The following GBP6 variants were observed in gnomAD, a reference collection of about 807,000 sequenced individuals.
The protein encoded by GBP6 is guanylate binding protein family member 6.
GBP6 carries 54 observed loss-of-function variants against 61.5 expected under a neutral mutation model. The observed-to-expected ratio is 0.88, with a 90% CI of 0.71 to 1.10. The LOEUF (loss-of-function observed/expected upper bound fraction) is 1.10. GBP6 is among the 50% of genes least tolerant of loss of function. The pLI, the probability that GBP6 is intolerant of heterozygous loss-of-function variation, is 0.00. For synonymous variants in GBP6, 255 were observed against 273.7 expected (o/e 0.93, Z 0.67); for missense variants, 748 against 752.8 (o/e 0.99, Z 0.07).
intron 6 of GBP6, among the ~76,000 whole-genome samples, chr1:89,380,885 C>T (rs577605792): frequency 5.9e-5 from 9 of 152,226 alleles, no homozygotes; most frequent in African/African-American, 2.2e-4. Flanking sequence ...AAATAACTAA[C>T]TGAATATAAA....
At chr1:89,383,840 G>A in intron 9 of GBP6, 86 bp downstream of exon 9, 1 of 1,072,972 alleles carries the variant, frequency 9.3e-7, no homozygotes, top group Non-Finnish European at 1.4e-6. Flanking sequence ...TTCCCAAAAT[G>A]AGGAATTTCC....
chr1:89,371,297 C>T (rs895954321), intron 3 of GBP6, among the ~76,000 whole-genome samples: 2 of 152,178 alleles, frequency 1.3e-5, no homozygotes, highest in Non-Finnish European at 2.9e-5. Flanking sequence ...GGAATCCTCC[C>T]TAACTCATTT....
intron 3 of GBP6, among the ~76,000 whole-genome samples, chr1:89,371,586 A>C (rs1266669026): frequency 6.6e-6 from 1 of 152,254 alleles, no homozygotes; most frequent in Non-Finnish European, 1.5e-5. Flanking sequence ...CAATAGATGC[A>C]GAAAAGGCCT....
At chr1:89,385,206 C>A in intron 10 of GBP6, 24 bp from the exon 11 acceptor site, 1 of 1,584,422 alleles carries the variant, frequency 6.3e-7, no homozygotes, top group Non-Finnish European at 8.6e-7. Flanking sequence ...TAAAAATTTA[C>A]TTTCCTTCCT....
At chr1:89,366,772 C>T (rs557534929) in intron 1 of GBP6, among the ~76,000 whole-genome samples, 27 of 152,250 alleles carry the variant, frequency 1.8e-4, no homozygotes, top group African/African-American at 6.5e-4. Flanking sequence ...CAGCTATCTC[C>T]AGAACTTCAT....
intron 3 of GBP6, among the ~76,000 whole-genome samples, chr1:89,374,029 T>G (rs72967254): frequency 0.027 from 4,140 of 152,106 alleles, 203 homozygotes; most frequent in African/African-American, 0.095. Context: ...GCTGATCATT[T>G]TATAAGGGGA....
chr1:89,372,220 G>A lies in GBP6; in HGVS notation c.318+2547G>A, dbSNP rs1217960406. The stretch of plus-strand genomic sequence containing the variant: ...CTCATGGATAGGAAGAATCAATATT[G>A]TGGAAATGGCCATACGGCCCAAGGT... On this transcript the variant is annotated intron_variant, in intron 3 of 10. Transcript: ENST00000370456. 2.6e-5 allele frequency among the ~76,000 whole-genome samples: 4 copies of A among 152,208 alleles called. No individual in the cohort carries two copies. The East Asian group carries it at 5.8e-4, about 22-fold the overall frequency.
intron 6 of GBP6, 54 bp from the exon 7 acceptor site, chr1:89,381,640 A>C: frequency 6.5e-7 from 1 of 1,541,138 alleles, no homozygotes; most frequent in Non-Finnish European, 8.8e-7. Context: ...GTAGCCTAGG[A>C]TCCCACTGAG....
intron 3 of GBP6, among the ~76,000 whole-genome samples, chr1:89,372,149 G>T (rs1217957827): frequency 1.3e-5 from 2 of 152,100 alleles, no homozygotes; most frequent in African/African-American, 4.8e-5. Flanking sequence ...AAACCACTGT[G>T]CAATGAAATA....
At position 89,384,415 on chromosome 1, in the gene GBP6, G is replaced by T. The variant is rs577323431; in HGVS notation, c.1662+129G>T. 12 of 663,360 alleles carry T rather than the reference G, an allele frequency of 1.8e-5. No homozygotes were observed. In the Admixed American group the frequency reaches 3.6e-4, roughly 20 times the overall value. The allele number at this position is 663,360 out of a possible 1,614,324, so 41.1% of individuals were successfully genotyped here. Reference sequence around the variant, plus strand: ...ATTTGCTGCTTGGCAATCACTAAAAGCCCTGAATCCTTTTTTTCTTAATTG... The same window carrying T: ...ATTTGCTGCTTGGCAATCACTAAAATCCCTGAATCCTTTTTTTCTTAATTG... On this transcript the variant is annotated intron_variant, in intron 10 of 10. Coordinates refer to ENST00000370456, the MANE Select transcript of GBP6 (RefSeq NM_198460.3).
rs1026078821 is a variant in GBP6 at position 89,387,841 on chromosome 1, G to A, written c.*2372G>A. On this transcript the variant is annotated 3_prime_UTR_variant, in exon 11 of 11. Transcript: ENST00000370456. ...CCAGCTACACAGGAGGATGAGGCAGGAAAATCACTTGAACCTGGGAGGTGG... is the reference window on the plus strand; with the variant it reads ...CCAGCTACACAGGAGGATGAGGCAGAAAAATCACTTGAACCTGGGAGGTGG... Among the ~76,000 whole-genome samples, 12 of 152,230 alleles carry A rather than the reference G, an allele frequency of 7.9e-5. No individual in the cohort carries two copies. Among genetic ancestry groups the A allele is most frequent in the African/African-American group, 2.9e-4 (12 of 41,458 alleles).
intron 10 of GBP6, among the ~76,000 whole-genome samples, chr1:89,384,884 T>G (rs1245542213): frequency 3.3e-5 from 5 of 152,212 alleles, no homozygotes; most frequent in African/African-American, 9.7e-5. Flanking sequence ...AGCTTATAAG[T>G]TTTTGGTATT....
intron 3 of GBP6, among the ~76,000 whole-genome samples, chr1:89,372,816 G>T (rs1021998098): frequency 2.6e-5 from 4 of 152,102 alleles, no homozygotes; most frequent in Admixed American, 6.5e-5. Flanking sequence ...TGACAAATGG[G>T]ATCTAATTAA....
chr1:89,368,888 T>C (rs1174251360), intron 2 of GBP6, 147 bp downstream of exon 2: 2 of 634,580 alleles, frequency 3.2e-6, no homozygotes, highest in Non-Finnish European at 5.2e-6. Context: ...ACCAAACCAC[T>C]ACCTTACGAT....
In GBP6 at chr1:89,368,654, T is replaced by C. The variant is rs747523828; in HGVS notation, c.103T>C (p.Ser35Pro). Residue 35 changes from serine (S) to proline (P), a missense_variant, in exon 2 of 11, where the codon TCT (serine) becomes CCT (proline). Ser to Pro is a moderately conservative substitution (Grantham distance 74). Transcript: ENST00000370456. ...QQAIQILEKISQPVVVVAIVG... is the reference protein window; with the variant it reads ...QQAIQILEKIPQPVVVVAIVG... ...AGCTATACAGATTCTTGAAAAGATT[T>C]CTCAGCCAGTGGTGGTGGTGGCCAT... The C allele has an allele frequency of 6.2e-7, 1 of 1,614,164 alleles. No individual in the cohort carries two copies. Among genetic ancestry groups the C allele is most frequent in the Non-Finnish European group, 8.5e-7 (1 of 1,180,000 alleles).
chr1:89,385,453 A>T lies in GBP6; in HGVS notation c.1886A>T (p.His629Leu), dbSNP rs772378261. 1.2e-6 allele frequency: 2 copies of T among 1,613,982 alleles called. No homozygotes were observed. Among genetic ancestry groups the T allele is most frequent in the Non-Finnish European group, 1.7e-6 (2 of 1,179,908 alleles). ...VKGVSSLFKK[H>L]KLPF ...GGTGTGAGCTCACTCTTTAAAAAGC[A>T]TAAGCTCCCCTTTTAAGGATATTAT... is the stretch of plus-strand genomic sequence containing the variant. Residue 629 changes from histidine (H) to leucine (L), a missense_variant, in exon 11 of 11, where the codon CAT becomes CTT. His to Leu is a moderately conservative substitution (Grantham distance 99). Coordinates refer to ENST00000370456, the MANE Select transcript of GBP6 (RefSeq NM_198460.3).
intron 1 of GBP6, 43 bp from the exon 2 acceptor site, chr1:89,368,486 A>T: frequency 6.8e-7 from 1 of 1,462,990 alleles, no homozygotes; most frequent in African/African-American, 1.4e-5. Flanking sequence ...CTTGGGAAAC[A>T]CTGAGACAGA....
At chr1:89,377,864 C>A (rs1266881592) in intron 3 of GBP6, among the ~76,000 whole-genome samples, 1 of 152,158 alleles carries the variant, frequency 6.6e-6, no homozygotes, top group Non-Finnish European at 1.5e-5. Flanking sequence ...TCCATATATG[C>A]ATCTTATTTC....
rs748383193 is a variant in GBP6 at position 89,368,614 on chromosome 1, A to G, written c.63A>G (p.Leu21=). ...TGGTGGAAAATAACAATGAGCAGCTATTGGTGAACCAGCAAGCTATACAGA... is the reference window on the plus strand; with the variant it reads ...TGGTGGAAAATAACAATGAGCAGCTGTTGGTGAACCAGCAAGCTATACAGA... ...VCLVENNNEQ[L]LVNQQAIQIL... Residue 21 remains leucine, a synonymous_variant, in exon 2 of 11, where the codon CTA becomes CTG. Transcript: ENST00000370456. The G allele has an allele frequency of 2.5e-6, 4 of 1,614,176 alleles. No individual in the cohort carries two copies. Among genetic ancestry groups the G allele is most frequent in the Non-Finnish European group, 2.5e-6 (3 of 1,180,010 alleles).
Sources: allele counts gnomAD v4.1 joint callset (sites outside exome capture counted in the v4.1 genomes callset), GRCh38; gene constraint gnomAD v4.1.1; transcripts MANE v1.5; gene names NCBI Gene and HGNC (gene_info 2026-07-23, HGNC 2026-07-21).